IRAK2: variants seen among roughly 807,000 people sequenced by gnomAD.
IRAK2 encodes interleukin-1 receptor-associated kinase-like 2.
IRAK2 carries 57 observed loss-of-function variants against 72.0 expected under a neutral mutation model. That is an observed-to-expected ratio of 0.79 (90% CI 0.64 to 0.99). The LOEUF is 0.99. Ranked by LOEUF, IRAK2 falls within the 50% of genes least tolerant of loss-of-function variation. The pLI, the probability that IRAK2 is intolerant of heterozygous loss-of-function variation, is 0.00. For missense variants in IRAK2, 790 were observed against 794.4 expected (o/e 0.99, Z 0.07); for synonymous variants, 293 against 312.7 (o/e 0.94, Z 0.67).
At position 10,226,998 on chromosome 3, in the gene IRAK2, A is replaced by G. The variant is rs144609409; in HGVS notation, c.1272+565A>G. ...GAATGTTTATAGAAAGCACTTGTATAAAAGAGAAAGCACTTCTCTATATAT... is the reference window on the plus strand; with the variant it reads ...GAATGTTTATAGAAAGCACTTGTATGAAAGAGAAAGCACTTCTCTATATAT... On this transcript the variant is annotated intron_variant, in intron 10 of 12. Transcript: ENST00000256458. Among the ~76,000 whole-genome samples, 724 of 152,002 alleles carry G rather than the reference A, an allele frequency of 4.8e-3. 8 individuals carry two copies. Among genetic ancestry groups the G allele is most frequent in the African/African-American group, 0.017 (689 of 41,452 alleles).
intron 2 of IRAK2, among the ~76,000 whole-genome samples, chr3:10,199,761 G>A (rs535073646): frequency 1.3e-5 from 2 of 152,254 alleles, no homozygotes; most frequent in East Asian, 3.9e-4. Flanking sequence ...GTGAGGGAAG[G>A]GAGACCGAGA....
intron 3 of IRAK2, among the ~76,000 whole-genome samples, chr3:10,207,823 T>A (rs548762866): frequency 6.6e-6 from 1 of 151,772 alleles, no homozygotes; most frequent in Non-Finnish European, 1.5e-5. Flanking sequence ...TGAAACCCCA[T>A]CTCTAATAAA....
At chr3:10,220,435 TC>T (rs1225907056) in intron 8 of IRAK2, among the ~76,000 whole-genome samples, 2 of 151,812 alleles carry the variant, frequency 1.3e-5, no homozygotes, top group Non-Finnish European at 2.9e-5. Flanking sequence ...CTCTTTTCTC[TC>T]CCCCAATTTT....
At chr3:10,232,833 A>G (rs1326728085) in intron 10 of IRAK2, among the ~76,000 whole-genome samples, 2 of 152,116 alleles carry the variant, frequency 1.3e-5, no homozygotes, top group African/African-American at 4.8e-5. Context: ...AGATGCCAAG[A>G]CAGGAGGATT....
chr3:10,231,852 C>A (rs1212916644), intron 10 of IRAK2, among the ~76,000 whole-genome samples: 1 of 152,064 alleles, frequency 6.6e-6, no homozygotes, highest in Non-Finnish European at 1.5e-5. Context: ...CTTGGCCGGG[C>A]ACGGTGGCTC....
At chr3:10,194,902 G>A (rs572547611) in intron 2 of IRAK2, among the ~76,000 whole-genome samples, 3 of 152,278 alleles carry the variant, frequency 2.0e-5, no homozygotes, top group Admixed American at 6.5e-5. Context: ...GCTTACATCC[G>A]TGGCTGGTGT....
rs949384848 is a variant in IRAK2, at chr3:10,164,983, C to G, written c.29C>G (p.Ser10Cys). The G allele has an allele frequency of 1.2e-5, 19 of 1,611,628 alleles. No individual in the cohort carries two copies. Among genetic ancestry groups the G allele is most frequent in the Non-Finnish European group, 1.4e-5 (17 of 1,179,540 alleles). Residue 10 changes from serine to cysteine, a missense_variant, in exon 1 of 13, where the codon TCC (serine) becomes TGC (cysteine). Ser to Cys is a moderately radical substitution (Grantham distance 112). Transcript: ENST00000256458. MACYIYQLP[S>C]WVLDDLCRNM... ...GCCTGCTACATCTACCAGCTGCCCT[C>G]CTGGGTGCTGGACGACCTGTGCCGC...
Position 10,178,446 on chromosome 3 carries a change from C to T in IRAK2, c.277+426C>T, listed in dbSNP as rs1696912833. Among the ~76,000 whole-genome samples the T allele has an allele frequency of 2.0e-5, 3 of 150,710 alleles. No homozygotes were observed. The East Asian group carries it at 5.9e-4, about 30-fold the overall frequency. ...CACTCCAGCCTGGGTGACAGTGAGA[C>T]TCTGTCTCCAAAAGAAAAAAAAAAA... On this transcript the variant is annotated intron_variant, in intron 2 of 12. Transcript: ENST00000256458.
rs773400153 is a variant in IRAK2 at position 10,165,038 on chromosome 3, G to T, written c.84G>T (p.Trp28Cys). ...TGGACGCGCTCAGCGAGTGGGACTGGATGGAGTTCGGTGAGTGCGGCCCGG... is the reference window on the plus strand; with the variant it reads ...TGGACGCGCTCAGCGAGTGGGACTGTATGGAGTTCGGTGAGTGCGGCCCGG... Reference protein sequence around the residue: ...RNMDALSEWDWMEFASYVITD... With the variant: ...RNMDALSEWDCMEFASYVITD... The change falls in exon 1 of 13, where the codon TGG becomes TGT. Residue 28 changes from tryptophan (W) to cysteine (C), a missense_variant. Transcript: ENST00000256458. 1 of 1,611,032 alleles carries T rather than the reference G, an allele frequency of 6.2e-7. No homozygotes were observed. Among genetic ancestry groups the T allele is most frequent in the Non-Finnish European group, 8.5e-7 (1 of 1,179,360 alleles).
chr3:10,191,447 C>T (rs550563491), intron 2 of IRAK2, among the ~76,000 whole-genome samples: 1 of 152,304 alleles, frequency 6.6e-6, no homozygotes, highest in Admixed American at 6.5e-5. Context: ...TAAGGTTCTG[C>T]CTAACTGTGG....
chr3:10,200,546 C>T (rs1435980537), intron 3 of IRAK2, 31 bp downstream of exon 3: 2 of 1,527,962 alleles, frequency 1.3e-6, no homozygotes, highest in Middle Eastern at 1.8e-4. Flanking sequence ...TTACTTAAAG[C>T]ACTTTTATTT....
chr3:10,188,556 C>T (rs995243879), intron 2 of IRAK2, among the ~76,000 whole-genome samples: 6 of 151,594 alleles, frequency 4.0e-5, no homozygotes, highest in South Asian at 2.1e-4. Context: ...AATGGAGTTT[C>T]GCTCTTGTTG....
intron 10 of IRAK2, among the ~76,000 whole-genome samples, chr3:10,227,321 A>G (rs1331087277): frequency 1.3e-5 from 2 of 150,486 alleles, no homozygotes; most frequent in African/African-American, 4.9e-5. Flanking sequence ...AGTGGCACAC[A>G]CCTGTAATCC....
In IRAK2 at chr3:10,209,621, T is replaced by C; in HGVS notation, c.457T>C (p.Phe153Leu). The C allele has an allele frequency of 1.3e-6, 2 of 1,569,182 alleles. No homozygotes were observed. Among genetic ancestry groups the C allele is most frequent in the Non-Finnish European group, 1.7e-6 (2 of 1,159,936 alleles). ...TCCAGCCAGAGCCCACCAGCCGGCC[T>C]TTCTCCAGCCTCCTGAAGAAGATGC... ...SSPARAHQPA[F>L]LQPPEEDAPH... Residue 153 changes from phenylalanine (F) to leucine (L), a missense_variant, in exon 4 of 13, where the codon TTT (phenylalanine) becomes CTT (leucine). By Grantham distance (22) the Phe-to-Leu change is conservative. Coordinates refer to ENST00000256458, the MANE Select transcript of IRAK2 (RefSeq NM_001570.4).
At chr3:10,195,534 G>A (rs1424593386) in intron 2 of IRAK2, among the ~76,000 whole-genome samples, 4 of 150,536 alleles carry the variant, frequency 2.7e-5, no homozygotes, top group Non-Finnish European at 5.9e-5. Flanking sequence ...GGGTGACAGA[G>A]CAACACCCTG....
chr3:10,209,702 C>T lies in IRAK2; in HGVS notation c.528+10C>T. The T allele has an allele frequency of 6.9e-7, 1 of 1,450,416 alleles. No individual in the cohort carries two copies. Among genetic ancestry groups the T allele is most frequent in the Non-Finnish European group, 9.2e-7 (1 of 1,090,898 alleles). The allele number at this position is 1,450,416 out of a possible 1,614,324, so 89.8% of individuals were successfully genotyped here. ...TTCGTCTGATTCAAAGGTAAATCCA[C>T]CCCTCGGCTGCAGCCCCCAAGCCAT... On this transcript the variant is annotated intron_variant, in intron 4 of 12. Coordinates refer to ENST00000256458, the MANE Select transcript of IRAK2 (RefSeq NM_001570.4).
intron 1 of IRAK2, among the ~76,000 whole-genome samples, chr3:10,174,128 C>T (rs547884833): frequency 6.6e-6 from 1 of 152,250 alleles, no homozygotes; most frequent in East Asian, 1.9e-4. Flanking sequence ...GGAGATGGTC[C>T]TTCCTTTTCC....
chr3:10,179,317 G>T (rs1289534088), intron 2 of IRAK2, among the ~76,000 whole-genome samples: 1 of 149,038 alleles, frequency 6.7e-6, no homozygotes, highest in Non-Finnish European at 1.5e-5. Context: ...TGTCTCCCAG[G>T]CTGGAGAGCA....
chr3:10,240,565 T>TG (rs1229511369), intron 12 of IRAK2, among the ~76,000 whole-genome samples: 3 of 36,324 alleles, frequency 8.3e-5, no homozygotes, highest in African/African-American at 3.7e-4. Flanking sequence ...CGCCTTTTTT[T>TG]TTTTTTGTTT....
Sources: allele counts gnomAD v4.1 joint callset (sites outside exome capture counted in the v4.1 genomes callset), GRCh38; gene constraint gnomAD v4.1.1; transcripts MANE v1.5; gene names NCBI Gene and HGNC (gene_info 2026-07-23, HGNC 2026-07-21).